Variants in GRIN2A observed in about 807,000 individuals in gnomAD.
The protein encoded by GRIN2A is glutamate receptor ionotropic, NMDA 2A.
GRIN2A carries 22 observed loss-of-function variants against 113.4 expected under a neutral mutation model. The ratio of observed to expected loss-of-function variants is 0.19; its 90% CI spans 0.14 to 0.28. GRIN2A has a LOEUF of 0.28. Among genes scored for constraint, GRIN2A ranks in the 10% least tolerant of loss-of-function variants. The pLI is 1.00. For missense variants in GRIN2A, 1,502 were observed against 1,887.0 expected (o/e 0.80, Z 3.78); for synonymous variants, 827 against 738.4 (o/e 1.12, Z -1.94).
intron 4 of GRIN2A, among the ~76,000 whole-genome samples, chr16:9,872,565 A>G (rs754813659): frequency 4.7e-4 from 71 of 152,302 alleles, no homozygotes; most frequent in South Asian, 1.7e-3. Flanking sequence ...CAAAGCCTCC[A>G]TGTCATTTTG....
chr16:9,795,958 T>C (rs1021430113), intron 11 of GRIN2A, among the ~76,000 whole-genome samples: 6 of 152,178 alleles, frequency 3.9e-5, no homozygotes, highest in African/African-American at 4.8e-5. Context: ...GTCCCTGAAG[T>C]AGAAGCTTTG....
At chr16:9,888,615 A>T (rs1476922905) in intron 4 of GRIN2A, among the ~76,000 whole-genome samples, 1 of 152,028 alleles carries the variant, frequency 6.6e-6, no homozygotes, top group Non-Finnish European at 1.5e-5. Flanking sequence ...TCATCATTAA[A>T]TAAGATATAA....
intron 2 of GRIN2A, among the ~76,000 whole-genome samples, chr16:10,164,394 C>A (rs1275410261): frequency 1.3e-5 from 2 of 152,198 alleles, no homozygotes; most frequent in South Asian, 4.1e-4. Flanking sequence ...CAAAACCTCA[C>A]CCTGCCTCTG....
rs1316947080 is a variant in GRIN2A at position 9,755,908 on chromosome 16, C to G, written c.*7241G>C. Reference sequence around the variant, plus strand: ...GAAAACAACAACAACATTTTAATAGCTGGTCCTCAATCATTCTGACTACCA... The same window carrying G: ...GAAAACAACAACAACATTTTAATAGGTGGTCCTCAATCATTCTGACTACCA... On this transcript the variant is annotated 3_prime_UTR_variant, in exon 13 of 13. Coordinates refer to ENST00000330684, the MANE Select transcript of GRIN2A (RefSeq NM_001134407.3). 1.9e-5 allele frequency: 4 copies of G among 211,592 alleles called. No individual in the cohort carries two copies. The highest frequency in any genetic ancestry group is 2.9e-5 in the Non-Finnish European group (3 of 104,264). The allele number at this position is 211,592 out of a possible 1,614,324, so 13.1% of individuals were successfully genotyped here.
At chr16:10,059,533 T>C (rs577803361) in intron 2 of GRIN2A, among the ~76,000 whole-genome samples, 18 of 152,218 alleles carry the variant, frequency 1.2e-4, no homozygotes, top group Non-Finnish European at 2.2e-4. Context: ...GTTGATGATA[T>C]ATTTTGGAGG....
intron 11 of GRIN2A, among the ~76,000 whole-genome samples, chr16:9,773,599 C>A (rs897204457): frequency 1.3e-5 from 2 of 152,228 alleles, no homozygotes; most frequent in Admixed American, 1.3e-4. Flanking sequence ...TCAAACCACA[C>A]TGCCTTTGTC....
intron 3 of GRIN2A, among the ~76,000 whole-genome samples, chr16:9,903,535 G>C (rs935599187): frequency 6.6e-6 from 1 of 152,326 alleles, no homozygotes; most frequent in Non-Finnish European, 1.5e-5. Context: ...GGAAGGCTGA[G>C]CAAGGACAAT....
intron 2 of GRIN2A, among the ~76,000 whole-genome samples, chr16:10,084,802 G>A (rs72774173): frequency 0.095 from 13,844 of 145,176 alleles, 754 homozygotes; most frequent in Non-Finnish European, 0.13. Context: ...TGCAAGCTCC[G>A]TAAGGGTAAA....
intron 2 of GRIN2A, among the ~76,000 whole-genome samples, chr16:9,965,144 A>G (rs1442134055): frequency 6.6e-6 from 1 of 152,226 alleles, no homozygotes; most frequent in African/African-American, 2.4e-5. Context: ...GTTCTAATAA[A>G]GTAAGACTTC....
rs2141151354 is a variant in GRIN2A, at chr16:9,769,067, G to A, written c.2379C>T (p.Thr793=). 6.2e-7 allele frequency: 1 copy of A among 1,613,816 alleles called. No homozygotes were observed. The highest frequency in any genetic ancestry group is 8.5e-7 in the Non-Finnish European group (1 of 1,179,746). ...TGTGGCAGATCCCAGTGAGCCACAG[G>A]GTCTCCAGCTCCTCCATCTCACCTG... ...VGDGEMEELE[T]LWLTGICHNE... is the part of the protein sequence containing the mutation. The change falls in exon 12 of 13, where the codon ACC becomes ACT. Residue 793 remains threonine (T), a synonymous_variant. Coordinates refer to ENST00000330684, the MANE Select transcript of GRIN2A (RefSeq NM_001134407.3).
At chr16:10,092,922 T>G (rs976442031) in intron 2 of GRIN2A, among the ~76,000 whole-genome samples, 1 of 150,394 alleles carries the variant, frequency 6.6e-6, no homozygotes, top group Non-Finnish European at 1.5e-5. Flanking sequence ...CACTGCAGCC[T>G]CTGCCTCCTG....
intron 4 of GRIN2A, among the ~76,000 whole-genome samples, chr16:9,874,039 CTT>C (rs2043316898): frequency 6.6e-6 from 1 of 152,180 alleles, no homozygotes; most frequent in African/African-American, 2.4e-5. Context: ...AGTTGATTCT[CTT>C]GTTTTTCCCC....
intron 11 of GRIN2A, among the ~76,000 whole-genome samples, chr16:9,784,462 C>CAAACAAAA (rs796914222): frequency 6.9e-6 from 1 of 144,886 alleles, no homozygotes; most frequent in African/African-American, 2.6e-5. Flanking sequence ...AACAAACAAA[C>CAAACAAAA]AAAAAACCTA....
chr16:10,034,246 C>T (rs1000001052), intron 2 of GRIN2A, among the ~76,000 whole-genome samples: 6 of 151,818 alleles, frequency 4.0e-5, no homozygotes, highest in Non-Finnish European at 5.9e-5. Flanking sequence ...GGCTCAGGGC[C>T]GGGCATGGTG....
rs544978304 is a variant in GRIN2A, at chr16:10,014,917, A to G, written c.415-76366T>C. On this transcript the variant is annotated intron_variant, in intron 2 of 12. Coordinates refer to ENST00000330684, the MANE Select transcript of GRIN2A (RefSeq NM_001134407.3). ...AGCATCTACAGGAGGATGAGTGAAT[A>G]GAAAAGCAGGAGGACATTAGAAGGT... Among the ~76,000 whole-genome samples, 10 of 152,326 alleles carry G rather than the reference A, an allele frequency of 6.6e-5. 1 individual carries two copies. In the South Asian group the frequency reaches 2.1e-3, roughly 32 times the overall value.
intron 2 of GRIN2A, among the ~76,000 whole-genome samples, chr16:10,131,385 G>C (rs11074603): frequency 0.18 from 26,587 of 151,912 alleles, 2,742 homozygotes; most frequent in East Asian, 0.36. Context: ...AACTCGGGGG[G>C]AAATTCATCG....
chr16:9,792,708 G>T lies in GRIN2A; in HGVS notation c.2356+5569C>A, dbSNP rs1434190839. On this transcript the variant is annotated intron_variant, in intron 11 of 12. Coordinates refer to ENST00000330684, the MANE Select transcript of GRIN2A (RefSeq NM_001134407.3). The stretch of plus-strand genomic sequence containing the variant: ...TGACCTCAGACTAGATGTCAGGGAT[G>T]AGTAATGTCTATTGGAGTTTAAAAA... 2.0e-5 allele frequency among the ~76,000 whole-genome samples: 3 copies of T among 152,184 alleles called. No individual in the cohort carries two copies. The East Asian group carries it at 5.8e-4, about 29-fold the overall frequency.
At chr16:10,142,613 T>G (rs911642275) in intron 2 of GRIN2A, among the ~76,000 whole-genome samples, 1 of 152,170 alleles carries the variant, frequency 6.6e-6, no homozygotes, top group African/African-American at 2.4e-5. Flanking sequence ...GAGGGAAGAT[T>G]GCTTGAGCCC....
At chr16:9,870,981 C>T (rs1181330634) in intron 4 of GRIN2A, among the ~76,000 whole-genome samples, 1 of 152,268 alleles carries the variant, frequency 6.6e-6, no homozygotes, top group Admixed American at 6.5e-5. Context: ...GTCTCTTTTC[C>T]AATGTCATTT....
Sources: gnomAD v4.1 joint callset for allele counts (sites outside exome capture counted in the v4.1 genomes callset) on GRCh38, gnomAD v4.1.1 for gene constraint, MANE v1.5 for transcripts, NCBI Gene and HGNC (gene_info 2026-07-23, HGNC 2026-07-21) for gene names.